EBF2: variants seen among roughly 807,000 people sequenced by gnomAD.
EBF2 encodes the protein transcription factor COE2.
Under a neutral mutation model 72.8 loss-of-function variants are expected in EBF2, and 21 were observed. The observed-to-expected ratio is 0.29, with a 90% CI of 0.20 to 0.42. The LOEUF is 0.42. Among genes scored for constraint, EBF2 ranks in the 10% least tolerant of loss-of-function variants. EBF2 has a pLI of 1.00. For synonymous variants in EBF2, 299 were observed against 274.2 expected (o/e 1.09, Z -0.89); for missense variants, 637 against 731.2 (o/e 0.87, Z 1.49).
rs1803263645 is a variant in EBF2 at position 25,918,660 on chromosome 8, A to T, written c.552-10105T>A. Among the ~76,000 whole-genome samples the T allele has an allele frequency of 2.0e-5, 3 of 152,336 alleles. No homozygotes were observed. The South Asian group carries it at 6.2e-4, about 32-fold the overall frequency. On this transcript the variant is annotated intron_variant, in intron 6 of 15. Coordinates refer to ENST00000520164, the MANE Select transcript of EBF2 (RefSeq NM_022659.4). ...AAAAATCTGGAAAGAACATGTGTGA[A>T]AAGGTATGTTTGATGTCGCATACAA...
In EBF2 at chr8:25,855,508, G is replaced by A. The variant is rs547717097; in HGVS notation, c.1528+2811C>T. Among the ~76,000 whole-genome samples the A allele has an allele frequency of 2.8e-3, 422 of 152,288 alleles. 1 individual carries two copies. The highest frequency in any genetic ancestry group is 4.2e-3 in the Non-Finnish European group (288 of 68,032). On this transcript the variant is annotated intron_variant, in intron 14 of 15. Transcript: ENST00000520164. ...CATGCAAGTCAAACTTGACTAAGAAGCTTGGCTCTTTCTTACTTAGTGTCT... is the reference window on the plus strand; with the variant it reads ...CATGCAAGTCAAACTTGACTAAGAAACTTGGCTCTTTCTTACTTAGTGTCT...
chr8:25,889,632 A>C (rs887674941), intron 8 of EBF2, 120 bp downstream of exon 8: 8 of 776,454 alleles, frequency 1.0e-5, no homozygotes, highest in African/African-American at 3.5e-5. Context: ...AAAAAAAAAA[A>C]AACCCACATT....
In EBF2 at chr8:25,869,146, G is replaced by A. The variant is rs765084209; in HGVS notation, c.1010-6349C>T. Reference sequence around the variant, plus strand: ...TCTTCATTGATTCAATTCTCCTGCAGTCAGGTGCTATCAATAAGAATAAGA... The same window carrying A: ...TCTTCATTGATTCAATTCTCCTGCAATCAGGTGCTATCAATAAGAATAAGA... On this transcript the variant is annotated intron_variant, in intron 10 of 15. Transcript: ENST00000520164. 3.3e-5 allele frequency among the ~76,000 whole-genome samples: 5 copies of A among 152,136 alleles called. 1 individual carries two copies. Among genetic ancestry groups the A allele is most frequent in the Non-Finnish European group, 5.9e-5 (4 of 68,040 alleles).
At chr8:25,988,290 A>T (rs1350401125) in intron 6 of EBF2, among the ~76,000 whole-genome samples, 2 of 152,342 alleles carry the variant, frequency 1.3e-5, no homozygotes, top group East Asian at 3.9e-4. Context: ...AGGCTCCATT[A>T]GTCCCTATGT....
At chr8:26,027,807 G>A (rs988255077) in intron 6 of EBF2, among the ~76,000 whole-genome samples, 3 of 152,164 alleles carry the variant, frequency 2.0e-5, no homozygotes, top group Admixed American at 6.5e-5. Context: ...TCTGACACAT[G>A]CTACAACATG....
At chr8:25,953,271 G>A (rs867911156) in intron 6 of EBF2, among the ~76,000 whole-genome samples, 57 of 152,178 alleles carry the variant, frequency 3.7e-4, no homozygotes, top group African/African-American at 1.3e-3. Flanking sequence ...CTGCTGGATT[G>A]ATCACCATGT....
intron 6 of EBF2, among the ~76,000 whole-genome samples, chr8:25,952,518 A>G (rs562757384): frequency 3.3e-5 from 5 of 152,298 alleles, no homozygotes; most frequent in East Asian, 1.9e-4. Context: ...CCCTGTCTAC[A>G]TGGGGATTTT....
intron 6 of EBF2, among the ~76,000 whole-genome samples, chr8:25,922,725 A>G (rs570397968): frequency 6.6e-6 from 1 of 152,200 alleles, no homozygotes; most frequent in South Asian, 2.1e-4. Context: ...GTGCTGATAA[A>G]CCAAATGAGC....
intron 6 of EBF2, among the ~76,000 whole-genome samples, chr8:26,014,070 T>A (rs971443941): frequency 6.6e-6 from 1 of 152,190 alleles, no homozygotes. Context: ...GAAATGAAAT[T>A]TGACTTCTAC....
chr8:25,955,387 G>C (rs1374630879), intron 6 of EBF2, among the ~76,000 whole-genome samples: 1 of 152,236 alleles, frequency 6.6e-6, no homozygotes, highest in Non-Finnish European at 1.5e-5. Context: ...GAGAATTAGA[G>C]GAGAGGGAGA....
intron 6 of EBF2, among the ~76,000 whole-genome samples, chr8:25,928,918 G>A (rs1585198590): frequency 6.6e-6 from 1 of 152,154 alleles, no homozygotes; most frequent in African/African-American, 2.4e-5. Context: ...TACACAGGAG[G>A]GCTCTAACAT....
At chr8:25,877,449 C>T (rs760903804) in intron 10 of EBF2, among the ~76,000 whole-genome samples, 1 of 152,170 alleles carries the variant, frequency 6.6e-6, no homozygotes, top group Non-Finnish European at 1.5e-5. Flanking sequence ...GCAAGTTGCA[C>T]GTTAGCAAAC....
chr8:25,991,453 C>T (rs1340387775), intron 6 of EBF2, among the ~76,000 whole-genome samples: 1 of 152,164 alleles, frequency 6.6e-6, no homozygotes, highest in African/African-American at 2.4e-5. Flanking sequence ...TTTCTTCCCA[C>T]CACAATCCTG....
chr8:26,020,213 A>G (rs1805182945), intron 6 of EBF2, among the ~76,000 whole-genome samples: 1 of 152,176 alleles, frequency 6.6e-6, no homozygotes, highest in South Asian at 2.1e-4. Context: ...TCCTGTCATG[A>G]CCAAATATTA....
intron 6 of EBF2, among the ~76,000 whole-genome samples, chr8:25,988,719 C>T (rs960406041): frequency 3.9e-5 from 6 of 152,288 alleles, no homozygotes; most frequent in South Asian, 4.1e-4. Flanking sequence ...TTCTATTTTA[C>T]GAAATGCTTT....
intron 6 of EBF2, among the ~76,000 whole-genome samples, chr8:26,008,157 T>A (rs1804913004): frequency 6.6e-6 from 1 of 151,814 alleles, no homozygotes; most frequent in Non-Finnish European, 1.5e-5. Context: ...TACACGGGTA[T>A]GGGTCTATGT....
chr8:25,968,465 G>T (rs1804145501), intron 6 of EBF2, among the ~76,000 whole-genome samples: 1 of 152,160 alleles, frequency 6.6e-6, no homozygotes, highest in Non-Finnish European at 1.5e-5. Context: ...ACTCACATGA[G>T]GTTCATAGAG....
chr8:25,848,680 C>T (rs767749915), intron 15 of EBF2, among the ~76,000 whole-genome samples: 1 of 152,116 alleles, frequency 6.6e-6, no homozygotes, highest in Non-Finnish European at 1.5e-5. Context: ...CAGTGGAAGT[C>T]AAGTATCCTT....
rs1803888056 is a variant in EBF2 at position 25,952,922 on chromosome 8, A to G, written c.552-44367T>C. Among the ~76,000 whole-genome samples the G allele has an allele frequency of 4.6e-5, 7 of 152,292 alleles. 1 individual carries two copies. The South Asian group carries it at 1.5e-3, about 32-fold the overall frequency. On this transcript the variant is annotated intron_variant, in intron 6 of 15. Coordinates refer to ENST00000520164, the MANE Select transcript of EBF2 (RefSeq NM_022659.4). ...CCCAATTAGGCTTGAAACTTATGAA[A>G]GTCTGAGATATTTCTTGTACTTCTT...
Sources: allele counts gnomAD v4.1 joint callset (sites outside exome capture counted in the v4.1 genomes callset), GRCh38; gene constraint gnomAD v4.1.1; transcripts MANE v1.5; gene names NCBI Gene and HGNC (gene_info 2026-07-23, HGNC 2026-07-21).